Variants in LRRK1 observed in about 807,000 individuals in gnomAD.
The protein encoded by LRRK1 is leucine rich repeat kinase 1, also known as leucine-rich repeat serine/threonine-protein kinase 1.
A neutral mutation model predicts 209.1 loss-of-function variants in LRRK1; 113 were observed. That is an observed-to-expected ratio of 0.54 (90% CI 0.46 to 0.63). The LOEUF (loss-of-function observed/expected upper bound fraction) is 0.63. LRRK1 is among the 30% of genes least tolerant of loss of function. LRRK1 has a pLI of 0.00. For synonymous variants in LRRK1, 1,144 were observed against 1,099.7 expected (o/e 1.04, Z -0.80); for missense variants, 2,284 against 2,632.2 (o/e 0.87, Z 2.89).
intron 2 of LRRK1, among the ~76,000 whole-genome samples, chr15:100,938,851 G>T (rs574478655): frequency 2.0e-5 from 3 of 152,258 alleles, no homozygotes; most frequent in Admixed American, 2.0e-4. Flanking sequence ...TAGGACTTTA[G>T]GAGGCTGAGG....
intron 2 of LRRK1, among the ~76,000 whole-genome samples, chr15:100,966,276 T>G (rs537260275): frequency 6.6e-6 from 1 of 152,324 alleles, no homozygotes; most frequent in South Asian, 2.1e-4. Context: ...AATTTAACAA[T>G]TTTTCCTTTC....
intron 2 of LRRK1, among the ~76,000 whole-genome samples, chr15:100,968,764 C>CCCTTCCCCTTT (rs1352877834): frequency 1.9e-4 from 28 of 147,178 alleles, no homozygotes; most frequent in Admixed American, 1.8e-3. Context: ...TTCCTTCCTT[C>CCCTTCCCCTTT]CCTTCCCCTT....
intron 2 of LRRK1, among the ~76,000 whole-genome samples, chr15:100,926,272 G>A (rs1299731585): frequency 1.3e-5 from 2 of 151,534 alleles, no homozygotes; most frequent in Non-Finnish European, 2.9e-5. Flanking sequence ...TCGAGGTGGC[G>A]TGGGTGATAG....
At chr15:100,921,009 C>A (rs748207512) in intron 1 of LRRK1, among the ~76,000 whole-genome samples, 1 of 152,182 alleles carries the variant, frequency 6.6e-6, no homozygotes, top group African/African-American at 2.4e-5. Flanking sequence ...CTTCCCTGGT[C>A]ACCCTCTGAA....
At chr15:101,057,608 G>A (rs2035886514) in intron 28 of LRRK1, among the ~76,000 whole-genome samples, 1 of 152,200 alleles carries the variant, frequency 6.6e-6, no homozygotes, top group Admixed American at 6.5e-5. Flanking sequence ...CAGCCACTGG[G>A]GAGGCTGAGG....
intron 7 of LRRK1, among the ~76,000 whole-genome samples, chr15:101,009,669 C>T (rs2033141918): frequency 6.6e-6 from 1 of 152,106 alleles, no homozygotes; most frequent in African/African-American, 2.4e-5. Flanking sequence ...CTCATGGCAA[C>T]CTGCAACTCC....
At chr15:101,021,690 G>C in intron 13 of LRRK1, 155 bp from the exon 14 acceptor site, 1 of 591,708 alleles carries the variant, frequency 1.7e-6, no homozygotes. Context: ...CCAGGAGAAA[G>C]CCTTTGGAAT....
chr15:100,949,048 A>G (rs1055451265), intron 2 of LRRK1, among the ~76,000 whole-genome samples: 2 of 152,154 alleles, frequency 1.3e-5, no homozygotes, highest in East Asian at 1.9e-4. Flanking sequence ...AAAATAGAGA[A>G]TATAAAAGCA....
At chr15:101,044,242 C>T (rs945664340) in intron 20 of LRRK1, 8 of 152,232 alleles carry the variant, frequency 5.3e-5, no homozygotes, top group African/African-American at 1.7e-4. Flanking sequence ...CCTGGAAGTA[C>T]CATACAGTTT....
At position 101,027,482 on chromosome 15, in the gene LRRK1, A is replaced by C. The variant is rs748017003; in HGVS notation, c.2526+101A>C. 7.1e-5 allele frequency: 109 copies of C among 1,533,348 alleles called. No individual in the cohort carries two copies. Among genetic ancestry groups the C allele is most frequent in the Non-Finnish European group, 9.1e-5 (103 of 1,136,882 alleles). The allele number at this position is 1,533,348 out of a possible 1,614,324, so 95.0% of individuals were successfully genotyped here. A position where few individuals can be genotyped will look rare whatever the true frequency, so the allele number is the denominator to read the frequency against. On this transcript the variant is annotated intron_variant, in intron 18 of 33. Transcript: ENST00000388948. The surrounding 1 kb of genome is among the most constrained non-coding windows in gnomAD (Gnocchi z 5.1). The stretch of plus-strand genomic sequence containing the variant: ...CCTGTGAAGCCCATGTCTGTGTGGC[A>C]AGGCTCGGTGGTTCCTGGTGAGGGA...
chr15:100,993,580 C>T lies in LRRK1; in HGVS notation c.762+4182C>T, dbSNP rs368184686. The stretch of plus-strand genomic sequence containing the variant: ...TGAAATTGAGTTTGTTTTCTCTTCA[C>T]GTGTCCACTTTGCCCTGTTTTTCTT... On this transcript the variant is annotated intron_variant, in intron 6 of 33. Transcript: ENST00000388948. Among the ~76,000 whole-genome samples the T allele has an allele frequency of 9.8e-5, 15 of 152,326 alleles. No homozygotes were observed. In the East Asian group the frequency reaches 1.2e-3, roughly 12 times the overall value.
In LRRK1 at chr15:101,071,788, A is replaced by G. The variant is rs1477269669; in HGVS notation, c.*2940A>G. 4 of 152,258 alleles carry G rather than the reference A, an allele frequency of 2.6e-5. No individual in the cohort carries two copies. Among genetic ancestry groups the G allele is most frequent in the Admixed American group, 6.5e-5 (1 of 15,276 alleles). 9.4% of individuals were successfully genotyped at this position (152,258 alleles called of 1,614,324 possible). On this transcript the variant is annotated 3_prime_UTR_variant, in exon 34 of 34. Coordinates refer to ENST00000388948, the MANE Select transcript of LRRK1 (RefSeq NM_024652.6). Reference sequence around the variant, plus strand: ...GGCAGCCGGACCACCCAGTTGGGCAATTCGTGGCTTGGCCTAGGAACGTTA... The same window carrying G: ...GGCAGCCGGACCACCCAGTTGGGCAGTTCGTGGCTTGGCCTAGGAACGTTA...
chr15:100,966,226 C>T (rs772339198), intron 2 of LRRK1, among the ~76,000 whole-genome samples: 2 of 152,204 alleles, frequency 1.3e-5, no homozygotes, highest in South Asian at 2.1e-4. Flanking sequence ...AGTATTATCT[C>T]TAGGAAAAGG....
intron 3 of LRRK1, among the ~76,000 whole-genome samples, chr15:100,981,547 C>T (rs2031600885): frequency 6.6e-6 from 1 of 152,186 alleles, no homozygotes; most frequent in Non-Finnish European, 1.5e-5. Context: ...ACTAACAGAA[C>T]CTGAGCCTTC....
rs1596379183 is a variant in LRRK1, at chr15:101,077,795, C to T, written c.*8947C>T. 1 of 152,142 alleles carries T rather than the reference C, an allele frequency of 6.6e-6. No individual in the cohort carries two copies. Among genetic ancestry groups the T allele is most frequent in the East Asian group, 1.9e-4 (1 of 5,192 alleles). The allele number at this position is 152,142 out of a possible 1,614,324, so 9.4% of individuals were successfully genotyped here. A position where few individuals can be genotyped will look rare whatever the true frequency, so the allele number is the denominator to read the frequency against. On this transcript the variant is annotated 3_prime_UTR_variant, in exon 34 of 34. Coordinates refer to ENST00000388948, the MANE Select transcript of LRRK1 (RefSeq NM_024652.6). ...AATTTTCGCTGCCCCAACACTTCGA[C>T]ACTATTTTGTTTTATTTTTCTTATT... is the stretch of plus-strand genomic sequence containing the variant.
rs1295920164 is a variant in LRRK1 at position 100,962,814 on chromosome 15, TATATATA to T, written c.98-10989_98-10983del. On this transcript the variant is annotated intron_variant, in intron 2 of 33. Transcript: ENST00000388948. ...TTTTGCATATATATATATATATATATATATATATATTTTTTTTTTTTTTTTTGAGATG... is the reference window on the plus strand; with the variant it reads ...TTTTGCATATATATATATATATATATTATTTTTTTTTTTTTTTTTGAGATG... Among the ~76,000 whole-genome samples the T allele has an allele frequency of 2.4e-3, 81 of 33,940 alleles. 3 individuals are homozygous for T. The highest frequency in any genetic ancestry group is 7.2e-3 in the African/African-American group (74 of 10,314). The allele number at this position is 33,940 out of a possible 152,430, so 22.3% of individuals were successfully genotyped here.
At chr15:100,971,283 G>A (rs961835261) in intron 2 of LRRK1, among the ~76,000 whole-genome samples, 7 of 150,010 alleles carry the variant, frequency 4.7e-5, no homozygotes, top group African/African-American at 9.9e-5. Context: ...GCAGTGAGCC[G>A]AGATCGCGCC....
At chr15:101,021,982 C>T in intron 14 of LRRK1, 25 bp downstream of exon 14, 1 of 1,505,296 alleles carries the variant, frequency 6.6e-7, no homozygotes, top group Non-Finnish European at 9.2e-7. Flanking sequence ...GCCCTGTCCC[C>T]TGCCATCACC....
rs1194473412 is a variant in LRRK1 at position 101,061,229 on chromosome 15, C to T, written c.4738C>T (p.Pro1580Ser). ...GLMEVQRMCC[P>S]GMKVSCQLQV... ...CATGGAGGTGCAGAGGATGTGCTGC[C>T]CTGGGATGAAGGTGAGCTGCCAGCT... Residue 1580 changes from proline (P) to serine (S), a missense_variant, in exon 30 of 34, where the codon CCT becomes TCT. Physicochemically the swap from Pro to Ser is moderately conservative, Grantham distance 74. Coordinates refer to ENST00000388948, the MANE Select transcript of LRRK1 (RefSeq NM_024652.6). 1 of 1,614,176 alleles carries T rather than the reference C, an allele frequency of 6.2e-7. No individual in the cohort carries two copies. The highest frequency in any genetic ancestry group is 1.7e-5 in the Admixed American group (1 of 60,028).
Sources: gnomAD v4.1 joint callset for allele counts (sites outside exome capture counted in the v4.1 genomes callset) on GRCh38, gnomAD v4.1.1 for gene constraint, Gnocchi (gnomAD v3.1) non-coding constraint, MANE v1.5 for transcripts, NCBI Gene and HGNC (gene_info 2026-07-23, HGNC 2026-07-21) for gene names.